Variants in FKBP1B observed in about 807,000 individuals in gnomAD.
The protein encoded by FKBP1B is peptidyl-prolyl cis-trans isomerase FKBP1B.
FKBP1B carries 4 observed loss-of-function variants against 13.5 expected under a neutral mutation model. The ratio of observed to expected loss-of-function variants is 0.30; its 90% CI spans 0.15 to 0.68. The LOEUF is 0.68. Ranked by LOEUF, FKBP1B falls within the 30% of genes least tolerant of loss-of-function variation. The pLI, the probability that FKBP1B is intolerant of heterozygous loss-of-function variation, is 0.76. For synonymous variants in FKBP1B, 54 were observed against 53.6 expected, an observed-to-expected ratio of 1.01 and a Z score of -0.03; for missense variants, 93 against 136.2, an observed-to-expected ratio of 0.68 and a Z score of 1.58.
chr2:24,053,826 G>T, intron 1 of FKBP1B, 76 bp from the exon 2 acceptor site: 1 of 1,402,004 alleles, frequency 7.1e-7, no homozygotes, highest in Non-Finnish European at 1.0e-6. Context: ...TGGAGCTCTT[G>T]GTCAGGATCA....
chr2:24,046,853 C>T (rs772992226), upstream of FKBP1B, among the ~76,000 whole-genome samples: 1 of 152,168 alleles, frequency 6.6e-6, no homozygotes, highest in Non-Finnish European at 1.5e-5. Context: ...AACTTTGTAT[C>T]ACGGTTTTCA....
upstream of FKBP1B, chr2:24,049,686 G>A (rs997504692): frequency 6.6e-6 from 3 of 457,744 alleles, no homozygotes; most frequent in Non-Finnish European, 1.1e-5. Context: ...CCGCCCCCTT[G>A]CCAGTGGCCC....
At chr2:24,039,480 T>G in the FKBP1B span, 1 of 1,611,450 alleles carries the variant, frequency 6.2e-7, no homozygotes, top group Non-Finnish European at 8.5e-7. Context: ...GTAGTTTTCC[T>G]TTTCCCAACT....
At chr2:24,062,831 T>C (rs1664456935) in intron 3 of FKBP1B, among the ~76,000 whole-genome samples, 1 of 152,248 alleles carries the variant, frequency 6.6e-6, no homozygotes, top group Non-Finnish European at 1.5e-5. Context: ...ATGCATGAAT[T>C]TGAGACCACT....
At chr2:24,056,308 A>T (rs1664124262) in intron 2 of FKBP1B, among the ~76,000 whole-genome samples, 1 of 148,224 alleles carries the variant, frequency 6.7e-6, no homozygotes. Context: ...GTTTTGGCCT[A>T]CTCTGGTGAG....
At chr2:24,041,111 G>A in the FKBP1B span, among the ~76,000 whole-genome samples, 2 of 152,122 alleles carry the variant, frequency 1.3e-5, no homozygotes, top group African/African-American at 2.4e-5. Flanking sequence ...GGCTGAGGCG[G>A]GTGGATCACC....
At chr2:24,041,651 G>A in the FKBP1B span, among the ~76,000 whole-genome samples, 7 of 151,548 alleles carry the variant, frequency 4.6e-5, no homozygotes, top group East Asian at 9.8e-4. Flanking sequence ...TCAGGAGTTC[G>A]AGACCAGCCT....
chr2:24,062,237 A>G (rs890172743), intron 3 of FKBP1B, among the ~76,000 whole-genome samples: 2 of 152,044 alleles, frequency 1.3e-5, no homozygotes, highest in South Asian at 2.1e-4. Context: ...CAGTGGCACA[A>G]TCTCAGCTCA....
chr2:24,062,114 G>A (rs1372704398), intron 3 of FKBP1B, among the ~76,000 whole-genome samples: 6 of 151,940 alleles, frequency 3.9e-5, no homozygotes, highest in African/African-American at 9.7e-5. Context: ...CTCGTGATCT[G>A]CCCGCCTCAG....
upstream of FKBP1B, chr2:24,049,661 C>T (rs1573676341): frequency 1.0e-5 from 4 of 395,832 alleles, no homozygotes; most frequent in East Asian, 1.5e-4. Flanking sequence ...CACCTTTCCG[C>T]GCGGCTCCGC....
chr2:24,036,105 T>TAAATAAATAAATAAAA, the FKBP1B span, among the ~76,000 whole-genome samples: 1 of 145,728 alleles, frequency 6.9e-6, no homozygotes, highest in Non-Finnish European at 1.5e-5. Context: ...AATAAATAAA[T>TAAATAAATAAATAAAA]AAAATAAAAT....
Position 24,063,483 on chromosome 2 carries a change from A to ACCCC in FKBP1B, c.*292_*293insCCCC. 1 of 332,948 alleles carries ACCCC rather than the reference A, an allele frequency of 3.0e-6. No individual in the cohort carries two copies. Among genetic ancestry groups the ACCCC allele is most frequent in the South Asian group, 8.7e-5 (1 of 11,552 alleles). The allele number at this position is 332,948 out of a possible 1,614,324, so 20.6% of individuals were successfully genotyped here. A position where few individuals can be genotyped will look rare whatever the true frequency, so the allele number is the denominator to read the frequency against. ...GACAGAACACAGATCTCTTGTTCGC[A>ACCCC]CAATCTACACTGCCTTACCTTCACT... On this transcript the variant is annotated 3_prime_UTR_variant, in exon 4 of 4. Coordinates refer to ENST00000380986, the MANE Select transcript of FKBP1B (RefSeq NM_004116.5).
At chr2:24,035,397 G>A in the FKBP1B span, among the ~76,000 whole-genome samples, 1 of 152,030 alleles carries the variant, frequency 6.6e-6, no homozygotes, top group East Asian at 1.9e-4. Flanking sequence ...AATAAAAATG[G>A]TTACCTAAAG....
chr2:24,062,215 C>T lies in FKBP1B; in HGVS notation c.199-849C>T, dbSNP rs1245463378. ...TGAGACGTAGTCTCACTCTGTTGCCCAGGCTAGAGTGCAGTGGCACAATCT... is the reference window on the plus strand; with the variant it reads ...TGAGACGTAGTCTCACTCTGTTGCCTAGGCTAGAGTGCAGTGGCACAATCT... On this transcript the variant is annotated intron_variant, in intron 3 of 3. Coordinates refer to ENST00000380986, the MANE Select transcript of FKBP1B (RefSeq NM_004116.5). Among the ~76,000 whole-genome samples the T allele has an allele frequency of 3.3e-5, 5 of 151,880 alleles. No individual in the cohort carries two copies. In the East Asian group the frequency reaches 7.8e-4, roughly 24 times the overall value.
chr2:24,042,820 C>T, the FKBP1B span, among the ~76,000 whole-genome samples: 1 of 151,824 alleles, frequency 6.6e-6, no homozygotes, highest in East Asian at 2.0e-4. Flanking sequence ...ATCACCTGAC[C>T]ATCAGGAGTT....
the FKBP1B span, among the ~76,000 whole-genome samples, chr2:24,041,269 G>T: frequency 1.3e-5 from 2 of 151,204 alleles, no homozygotes; most frequent in African/African-American, 4.9e-5. Context: ...AACCCAGGAG[G>T]TAGAGATTAC....
chr2:24,059,316 G>A (rs1430284225), intron 2 of FKBP1B, among the ~76,000 whole-genome samples: 4 of 151,198 alleles, frequency 2.6e-5, no homozygotes, highest in African/African-American at 9.8e-5. Context: ...TGGACATCAG[G>A]ATGACAAGGC....
intron 2 of FKBP1B, among the ~76,000 whole-genome samples, chr2:24,057,652 C>T (rs1410167016): frequency 6.6e-6 from 1 of 151,554 alleles, no homozygotes; most frequent in South Asian, 2.1e-4. Context: ...GGATTACAGG[C>T]GTGAGCCACC....
At chr2:24,037,654 T>C in the FKBP1B span, 1 of 1,586,056 alleles carries the variant, frequency 6.3e-7, no homozygotes, top group Non-Finnish European at 8.5e-7. Context: ...TGTATAGTGG[T>C]AGTTCCTCAA....
Sources: allele counts gnomAD v4.1 joint callset (sites outside exome capture counted in the v4.1 genomes callset), GRCh38; gene constraint gnomAD v4.1.1; transcripts MANE v1.5; gene names NCBI Gene and HGNC (gene_info 2026-07-23, HGNC 2026-07-21).